TTC28: variants seen among roughly 807,000 people sequenced by gnomAD.
The protein encoded by TTC28 is tetratricopeptide repeat protein 28.
A neutral mutation model predicts 198.0 loss-of-function variants in TTC28; 61 were observed. That is an observed-to-expected ratio of 0.31 (90% CI 0.25 to 0.38). The LOEUF (loss-of-function observed/expected upper bound fraction) is 0.38. Among genes scored for constraint, TTC28 ranks in the 10% least tolerant of loss-of-function variants. TTC28 has a pLI of 1.00. For synonymous variants in TTC28, 1,171 were observed against 1,297.8 expected (o/e 0.90, Z 2.10); for missense variants, 2,678 against 3,164.0 (o/e 0.85, Z 3.69).
At chr22:28,415,693 A>C (rs571047343) in intron 2 of TTC28, among the ~76,000 whole-genome samples, 8 of 152,330 alleles carry the variant, frequency 5.3e-5, no homozygotes, top group African/African-American at 1.7e-4. Context: ...TAATGGATAC[A>C]CAGCAGGAAC....
chr22:28,317,903 T>C (rs1336444185), intron 2 of TTC28, among the ~76,000 whole-genome samples: 1 of 152,044 alleles, frequency 6.6e-6, no homozygotes, highest in East Asian at 1.9e-4. Flanking sequence ...CTGCCCATTA[T>C]ACACTGCTTT....
intron 6 of TTC28, among the ~76,000 whole-genome samples, chr22:28,127,227 C>T (rs1424756690): frequency 6.6e-6 from 1 of 152,118 alleles, no homozygotes; most frequent in Admixed American, 6.6e-5. Context: ...CTTTTCTGTA[C>T]ACTAGGCTAG....
At chr22:28,196,920 G>A (rs1440119988) in intron 5 of TTC28, among the ~76,000 whole-genome samples, 1 of 151,914 alleles carries the variant, frequency 6.6e-6, no homozygotes, top group Non-Finnish European at 1.5e-5. Flanking sequence ...TCCATTACTT[G>A]GTATATACCC....
chr22:28,626,717 A>G (rs1043559806), intron 2 of TTC28, among the ~76,000 whole-genome samples: 61 of 152,096 alleles, frequency 4.0e-4, no homozygotes, highest in African/African-American at 1.3e-3. Context: ...TTTGAACTCT[A>G]TATTTTATAT....
chr22:28,561,336 A>G (rs1601567752), intron 2 of TTC28, among the ~76,000 whole-genome samples: 2 of 151,924 alleles, frequency 1.3e-5, no homozygotes, highest in African/African-American at 4.8e-5. Flanking sequence ...TCGGCCTCCC[A>G]AAGTGCTGGG....
rs191306044 is a variant in TTC28, at chr22:28,014,511, C to T, written c.4074-119G>A. 5.8e-4 allele frequency: 669 copies of T among 1,146,410 alleles called. 2 individuals carry two copies. The African/African-American group carries it at 9.3e-3, about 16-fold the overall frequency. 71.0% of individuals were successfully genotyped at this position (1,146,410 alleles called of 1,614,324 possible). A position where few individuals can be genotyped will look rare whatever the true frequency, so the allele number is the denominator to read the frequency against. On this transcript the variant is annotated intron_variant, in intron 13 of 22. Coordinates refer to ENST00000397906, the MANE Select transcript of TTC28 (RefSeq NM_001145418.2). The stretch of plus-strand genomic sequence containing the variant: ...GGCTGAGGCTTCACAGCAGCAACCC[C>T]GCCAGCCTCCCTCCCAGCTCCGTTC...
chr22:28,495,045 A>G (rs1434533972), intron 2 of TTC28, among the ~76,000 whole-genome samples: 1 of 152,118 alleles, frequency 6.6e-6, no homozygotes, highest in Non-Finnish European at 1.5e-5. Context: ...AAACAGATTA[A>G]GTAACAAGAG....
intron 2 of TTC28, among the ~76,000 whole-genome samples, chr22:28,557,762 T>C (rs1193133209): frequency 2.6e-5 from 4 of 152,184 alleles, no homozygotes; most frequent in African/African-American, 9.7e-5. Context: ...GAATCCTAGG[T>C]GGTAAATGAA....
intron 12 of TTC28, among the ~76,000 whole-genome samples, chr22:28,079,643 ATTTGTC>A (rs1941275053): frequency 6.6e-6 from 1 of 152,164 alleles, no homozygotes; most frequent in African/African-American, 2.4e-5. Flanking sequence ...ATCATGTAGT[ATTTGTC>A]TTTCTTTGTG....
intron 12 of TTC28, chr22:28,056,344 G>A (rs554896492): frequency 6.6e-6 from 1 of 152,418 alleles, no homozygotes; most frequent in East Asian, 1.9e-4. Flanking sequence ...CTGAACTTAG[G>A]GCAGACACCT....
At chr22:28,298,919 T>A (rs74903372) in intron 3 of TTC28, among the ~76,000 whole-genome samples, 18 of 152,358 alleles carry the variant, frequency 1.2e-4, no homozygotes, top group Non-Finnish European at 2.4e-4. Flanking sequence ...TTATGCATTT[T>A]TCTTGTGGTC....
intron 12 of TTC28, among the ~76,000 whole-genome samples, chr22:28,084,313 C>T (rs1262709213): frequency 6.6e-6 from 1 of 152,210 alleles, no homozygotes; most frequent in Non-Finnish European, 1.5e-5. Flanking sequence ...TGAGACAAAA[C>T]TTCCAGAGGA....
intron 2 of TTC28, among the ~76,000 whole-genome samples, chr22:28,449,484 T>G (rs1202300451): frequency 6.6e-6 from 1 of 152,218 alleles, no homozygotes; most frequent in Non-Finnish European, 1.5e-5. Context: ...AACACTCTTA[T>G]GTAGAGGAAC....
At chr22:28,473,174 AAAT>A (rs1430345250) in intron 2 of TTC28, among the ~76,000 whole-genome samples, 1 of 152,250 alleles carries the variant, frequency 6.6e-6, no homozygotes, top group Non-Finnish European at 1.5e-5. Flanking sequence ...TGAAAGCTGA[AAAT>A]AATAAAGTCA....
At chr22:28,366,205 A>G (rs1403722636) in intron 2 of TTC28, among the ~76,000 whole-genome samples, 2 of 152,232 alleles carry the variant, frequency 1.3e-5, no homozygotes, top group Non-Finnish European at 2.9e-5. Context: ...TGAAGTTGAT[A>G]AACCCATGGA....
intron 22 of TTC28, among the ~76,000 whole-genome samples, chr22:27,984,126 G>A (rs1937123424): frequency 6.6e-6 from 1 of 152,122 alleles, no homozygotes; most frequent in Non-Finnish European, 1.5e-5. Context: ...TGCGGGGTCA[G>A]GGTAAGCAGC....
intron 2 of TTC28, among the ~76,000 whole-genome samples, chr22:28,554,929 G>A (rs962382018): frequency 6.6e-6 from 1 of 152,054 alleles, no homozygotes; most frequent in African/African-American, 2.4e-5. Context: ...TCCACGGAGT[G>A]AGAAAAAGTC....
At chr22:28,311,810 CCACA>C (rs942288799) in intron 2 of TTC28, among the ~76,000 whole-genome samples, 5 of 151,714 alleles carry the variant, frequency 3.3e-5, no homozygotes, top group African/African-American at 1.2e-4. Flanking sequence ...TTACTCGCCC[CCACA>C]CACACACTAC....
chr22:28,449,228 G>A (rs2047743002), intron 2 of TTC28, among the ~76,000 whole-genome samples: 1 of 152,120 alleles, frequency 6.6e-6, no homozygotes, highest in African/African-American at 2.4e-5. Flanking sequence ...CAGGAGAGGT[G>A]GCACAGCATT....
Sources: gnomAD v4.1 joint callset for allele counts (sites outside exome capture counted in the v4.1 genomes callset) on GRCh38, gnomAD v4.1.1 for gene constraint, MANE v1.5 for transcripts, NCBI Gene and HGNC (gene_info 2026-07-23, HGNC 2026-07-21) for gene names.